Variants in SGMS1 observed in about 807,000 individuals in gnomAD.
The protein encoded by SGMS1 is phosphatidylcholine:ceramide cholinephosphotransferase 1.
In SGMS1, 13 loss-of-function variants were observed where a neutral mutation model predicts 46.2. The observed-to-expected ratio is 0.28, with a 90% confidence interval of 0.18 to 0.45. The LOEUF is 0.45. Among genes scored for constraint, SGMS1 ranks in the 20% least tolerant of loss-of-function variants. SGMS1 has a pLI of 1.00. For missense variants in SGMS1, 324 were observed against 519.9 expected, an observed-to-expected ratio of 0.62 and a Z score of 3.66; for synonymous variants, 203 against 187.8, an observed-to-expected ratio of 1.08 and a Z score of -0.66.
chr10:50,347,185 C>G (rs533768520), intron 6 of SGMS1, among the ~76,000 whole-genome samples: 1 of 152,084 alleles, frequency 6.6e-6, no homozygotes, highest in Non-Finnish European at 1.5e-5. Flanking sequence ...TGTGAAGTAG[C>G]TACAATGTTA....
intron 3 of SGMS1, among the ~76,000 whole-genome samples, chr10:50,517,262 C>T (rs1266868238): frequency 6.6e-6 from 1 of 152,042 alleles, no homozygotes; most frequent in Admixed American, 6.6e-5. Flanking sequence ...CTGGCAATAT[C>T]AAATATAGGA....
chr10:50,574,399 C>T (rs1838362074), intron 2 of SGMS1, among the ~76,000 whole-genome samples: 1 of 152,160 alleles, frequency 6.6e-6, no homozygotes, highest in African/African-American at 2.4e-5. Context: ...AAATGCTCAA[C>T]ATCACTAATC....
intron 6 of SGMS1, among the ~76,000 whole-genome samples, chr10:50,368,013 T>TA (rs1254445296): frequency 6.6e-6 from 1 of 152,206 alleles, no homozygotes; most frequent in African/African-American, 2.4e-5. Context: ...TACAGCATCT[T>TA]AGAGATAGCT....
intron 6 of SGMS1, among the ~76,000 whole-genome samples, chr10:50,354,628 A>G (rs1208571014): frequency 6.6e-6 from 1 of 152,240 alleles, no homozygotes; most frequent in Non-Finnish European, 1.5e-5. Flanking sequence ...GCACAGCAAA[A>G]GAAACTACCA....
upstream of SGMS1, chr10:50,624,501 A>C: frequency 1.3e-6 from 1 of 776,580 alleles, no homozygotes; most frequent in Non-Finnish European, 1.6e-6. Context: ...ACAGAAAAAA[A>C]AAGCCTCTGG....
chr10:50,369,333 A>G (rs974695618), intron 6 of SGMS1, among the ~76,000 whole-genome samples: 1 of 152,160 alleles, frequency 6.6e-6, no homozygotes, highest in Non-Finnish European at 1.5e-5. Context: ...CCCTGTCTCT[A>G]CAAAAAATTT....
At chr10:50,505,157 A>T (rs1035198860) in intron 3 of SGMS1, among the ~76,000 whole-genome samples, 8 of 152,186 alleles carry the variant, frequency 5.3e-5, no homozygotes, top group Non-Finnish European at 1.5e-5. Flanking sequence ...TAGAGGCTGA[A>T]GTGTGCTATG....
chr10:50,619,684 A>G (rs944003059), intron 1 of SGMS1, among the ~76,000 whole-genome samples: 7 of 152,192 alleles, frequency 4.6e-5, no homozygotes, highest in African/African-American at 1.7e-4. Context: ...CAAATTATCT[A>G]AATCTCCACT....
At chr10:50,398,503 G>T (rs1848880485) in intron 6 of SGMS1, among the ~76,000 whole-genome samples, 1 of 152,134 alleles carries the variant, frequency 6.6e-6, no homozygotes, top group Non-Finnish European at 1.5e-5. Context: ...GCAATTTGAA[G>T]CTAACAATAC....
At chr10:50,458,339 CTTTTTTTTTTT>C (rs750349777) in intron 5 of SGMS1, among the ~76,000 whole-genome samples, 1,159 of 97,190 alleles carry the variant, frequency 0.012, 12 homozygotes, top group African/African-American at 0.04. Context: ...TTCTTTTTCT[CTTTTTTTTTTT>C]TTTTTTTTTT....
rs1232664141 is a variant in SGMS1 at position 50,488,027 on chromosome 10, T to TGA, written c.-497-21096_-497-21095insTC. Among the ~76,000 whole-genome samples, 1,110 of 145,128 alleles carry TGA rather than the reference T, an allele frequency of 7.6e-3. 17 individuals are homozygous for TGA. Among genetic ancestry groups the TGA allele is most frequent in the African/African-American group, 0.026 (1,065 of 40,256 alleles). ...TTTATTTATTTATTTATTTATTTAT[T>TGA]TATTGAGACTGAGTCTCACTCTATT... On this transcript the variant is annotated intron_variant, in intron 3 of 10. Transcript: ENST00000361781.
chr10:50,547,838 T>C (rs1460775720), intron 2 of SGMS1, among the ~76,000 whole-genome samples: 1 of 152,202 alleles, frequency 6.6e-6, no homozygotes, highest in Non-Finnish European at 1.5e-5. Flanking sequence ...AAAAAGCTTA[T>C]CCATGATAAT....
rs1216125383 is a variant in SGMS1, at chr10:50,364,398, A to G, written c.-231-20053T>C. 2.0e-5 allele frequency among the ~76,000 whole-genome samples: 3 copies of G among 152,200 alleles called. No individual in the cohort carries two copies. The South Asian group carries it at 6.2e-4, about 32-fold the overall frequency. ...ACTAATTAATTTTTTTAAAAAGGAT[A>G]AGAAGATCTTGAAGAATGCTCCAGC... is the stretch of plus-strand genomic sequence containing the variant. On this transcript the variant is annotated intron_variant, in intron 6 of 10. Transcript: ENST00000361781.
intron 2 of SGMS1, among the ~76,000 whole-genome samples, chr10:50,548,783 G>A (rs10826170): frequency 0.2 from 30,237 of 152,030 alleles, 3,924 homozygotes; most frequent in East Asian, 0.63. Flanking sequence ...CCTACAGAAT[G>A]GGAGAAAATT....
chr10:50,317,844 C>T (rs1490100710), intron 8 of SGMS1, among the ~76,000 whole-genome samples: 1 of 148,430 alleles, frequency 6.7e-6, no homozygotes, highest in Non-Finnish European at 1.5e-5. Context: ...CTCTTGAGAG[C>T]CCCGGCTGGA....
At chr10:50,449,791 T>C (rs1837077880) in intron 5 of SGMS1, among the ~76,000 whole-genome samples, 1 of 152,140 alleles carries the variant, frequency 6.6e-6, no homozygotes, top group Admixed American at 6.6e-5. Context: ...GTATTTTCCT[T>C]ATTCATCTAG....
chr10:50,589,998 C>G (rs1316086871), intron 2 of SGMS1, among the ~76,000 whole-genome samples, 155 bp downstream of exon 2: 2 of 152,162 alleles, frequency 1.3e-5, no homozygotes, highest in Non-Finnish European at 2.9e-5. Context: ...AAAAAATGTA[C>G]AAACCTATAC....
intron 5 of SGMS1, among the ~76,000 whole-genome samples, chr10:50,459,745 C>G (rs1394624014): frequency 6.6e-6 from 1 of 152,198 alleles, no homozygotes; most frequent in Non-Finnish European, 1.5e-5. Context: ...AAAGGGAATA[C>G]AGCAGGGCAT....
chr10:50,504,083 G>A (rs1564419349), intron 3 of SGMS1, among the ~76,000 whole-genome samples: 1 of 152,206 alleles, frequency 6.6e-6, no homozygotes, highest in Non-Finnish European at 1.5e-5. Context: ...TACATAAACA[G>A]TGCCCATAGC....
Sources: allele counts gnomAD v4.1 joint callset (sites outside exome capture counted in the v4.1 genomes callset), GRCh38; gene constraint gnomAD v4.1.1; transcripts MANE v1.5; gene names NCBI Gene and HGNC (gene_info 2026-07-23, HGNC 2026-07-21).